The following ARHGAP23 variants were observed in gnomAD, a reference collection of about 807,000 sequenced individuals.
ARHGAP23 encodes the protein Rho GTPase activating protein 23.
ARHGAP23 carries 34 observed loss-of-function variants against 136.3 expected under a neutral mutation model. The ratio of observed to expected loss-of-function variants is 0.25; its 90% CI spans 0.19 to 0.33. ARHGAP23 has a LOEUF of 0.33. Among genes scored for constraint, ARHGAP23 ranks in the 10% least tolerant of loss-of-function variants. The pLI, the probability that ARHGAP23 is intolerant of heterozygous loss-of-function variation, is 1.00. For synonymous variants in ARHGAP23, 832 were observed against 920.5 expected, an observed-to-expected ratio of 0.90 and a Z score of 1.74; for missense variants, 1,808 against 2,139.0, an observed-to-expected ratio of 0.85 and a Z score of 3.05.
intron 7 of ARHGAP23, among the ~76,000 whole-genome samples, chr17:38,468,890 G>A (rs971283821): frequency 6.6e-6 from 1 of 152,156 alleles, no homozygotes; most frequent in Non-Finnish European, 1.5e-5. Context: ...CAGTCTGATG[G>A]GGGAATATTG....
upstream of ARHGAP23, among the ~76,000 whole-genome samples, chr17:38,426,098 T>A (rs1235017522): frequency 6.6e-6 from 1 of 151,972 alleles, no homozygotes; most frequent in Admixed American, 6.6e-5. Flanking sequence ...TCAGTCTGAT[T>A]TCAGATGCCA....
chr17:38,443,015 CT>C (rs1457954785), intron 1 of ARHGAP23, among the ~76,000 whole-genome samples: 9 of 152,200 alleles, frequency 5.9e-5, no homozygotes, highest in African/African-American at 2.2e-4. Flanking sequence ...CTTTTTCAGG[CT>C]GCTATCTCTG....
intron 12 of ARHGAP23, among the ~76,000 whole-genome samples, chr17:38,478,152 G>A (rs1185985196): frequency 2.6e-5 from 4 of 152,198 alleles, no homozygotes; most frequent in Non-Finnish European, 4.4e-5. Context: ...AGGGATGATT[G>A]TGACTGTGTT....
chr17:38,498,554 C>A, intron 22 of ARHGAP23, 44 bp downstream of exon 22: 1 of 1,434,530 alleles, frequency 7.0e-7, no homozygotes, highest in Non-Finnish European at 9.3e-7. Flanking sequence ...AGGTTGGACA[C>A]TGCATTCCTG....
Position 38,510,728 on chromosome 17 carries a change from A to G in ARHGAP23, c.4232A>G (p.Gln1411Arg), listed in dbSNP as rs1184975194. The G allele has an allele frequency of 2.0e-6, 3 of 1,471,926 alleles. No individual in the cohort carries two copies. Among genetic ancestry groups the G allele is most frequent in the East Asian group, 3.0e-5 (1 of 33,608 alleles). The allele number at this position is 1,471,926 out of a possible 1,614,324, so 91.2% of individuals were successfully genotyped here. A position where few individuals can be genotyped will look rare whatever the true frequency, so the allele number is the denominator to read the frequency against. Residue 1411 changes from glutamine (Q) to arginine (R), a missense_variant, in exon 24 of 24, where the codon CAG (glutamine) becomes CGG (arginine). Coordinates refer to ENST00000622683, the MANE Select transcript of ARHGAP23 (RefSeq NM_001199417.2). This position sits in a 1 kb window ranked among gnomAD's most constrained non-coding sequence, Gnocchi z 4.6. Reference protein sequence around the residue: ...SSWRRHTVVVQSPLTDLNFNE... With the variant: ...SSWRRHTVVVRSPLTDLNFNE... Reference sequence around the variant, plus strand: ...TGGCGCCGCCACACCGTGGTGGTGCAGAGCCCGCTGACTGACCTCAACTTC... The same window carrying G: ...TGGCGCCGCCACACCGTGGTGGTGCGGAGCCCGCTGACTGACCTCAACTTC...
chr17:38,444,700 G>C (rs1032701848), intron 1 of ARHGAP23, among the ~76,000 whole-genome samples: 1 of 152,162 alleles, frequency 6.6e-6, no homozygotes, highest in African/African-American at 2.4e-5. Context: ...GTGCAGTGGA[G>C]AAGGGACGGC....
At chr17:38,470,798 A>G (rs1195848101) in intron 10 of ARHGAP23, among the ~76,000 whole-genome samples, 1 of 151,964 alleles carries the variant, frequency 6.6e-6, no homozygotes, top group Non-Finnish European at 1.5e-5. Context: ...CGGCCTCCCA[A>G]AGTGTTGGGA....
chr17:38,509,210 G>A (rs1010332031), intron 23 of ARHGAP23, among the ~76,000 whole-genome samples: 17 of 152,262 alleles, frequency 1.1e-4, no homozygotes, highest in African/African-American at 4.1e-4. Flanking sequence ...AGTGAGGGCT[G>A]GTTCAGGTGA....
At chr17:38,457,081 T>A (rs1413638493) in intron 1 of ARHGAP23, among the ~76,000 whole-genome samples, 4 of 152,214 alleles carry the variant, frequency 2.6e-5, no homozygotes, top group Admixed American at 2.6e-4. Context: ...GGCTAATTTT[T>A]GTATTTTTGG....
At chr17:38,437,622 A>C (rs2038826290) in intron 1 of ARHGAP23, among the ~76,000 whole-genome samples, 1 of 147,600 alleles carries the variant, frequency 6.8e-6, no homozygotes, top group African/African-American at 2.5e-5. Flanking sequence ...ACCCACCCCT[A>C]CCCCCCCCAA....
chr17:38,490,566 C>G lies in ARHGAP23; in HGVS notation c.3150+15C>G. On this transcript the variant is annotated intron_variant, in intron 19 of 23. Coordinates refer to ENST00000622683, the MANE Select transcript of ARHGAP23 (RefSeq NM_001199417.2). ...AGAAAAACAAGGTGGGTAGGAGTCC[C>G]GCATGGAGTCTGGGGGAGGCAAGCA... The G allele has an allele frequency of 6.6e-7, 1 of 1,508,222 alleles. No individual in the cohort carries two copies. The allele number at this position is 1,508,222 out of a possible 1,614,324, so 93.4% of individuals were successfully genotyped here.
At position 38,490,501 on chromosome 17, in the gene ARHGAP23, T is replaced by G; in HGVS notation, c.3100T>G (p.Phe1034Val). Residue 1034 changes from phenylalanine to valine, a missense_variant, in exon 19 of 24, where the codon TTC (phenylalanine) becomes GTC (valine). This residue lies in a region of ARHGAP23 where 105 missense variants were observed against 200.6 expected (regional missense o/e 0.52). Coordinates refer to ENST00000622683, the MANE Select transcript of ARHGAP23 (RefSeq NM_001199417.2). ...LPGHYYETLK[F>V]LVGHLKTIAD... Reference sequence around the variant, plus strand: ...AGGACACTACTATGAAACGCTCAAATTCCTTGTGGGCCATCTCAAGACCAT... The same window carrying G: ...AGGACACTACTATGAAACGCTCAAAGTCCTTGTGGGCCATCTCAAGACCAT... 1 of 1,549,380 alleles carries G rather than the reference T, an allele frequency of 6.5e-7. No homozygotes were observed. Among genetic ancestry groups the G allele is most frequent in the Non-Finnish European group, 8.7e-7 (1 of 1,146,680 alleles).
At chr17:38,450,373 C>T (rs1398494421) in intron 1 of ARHGAP23, 2 of 152,170 alleles carry the variant, frequency 1.3e-5, no homozygotes, top group Non-Finnish European at 2.9e-5. Context: ...GAACTAGTCA[C>T]TTGTTCTCTT....
intron 16 of ARHGAP23, among the ~76,000 whole-genome samples, chr17:38,485,792 C>T (rs1031684679): frequency 6.6e-6 from 1 of 152,212 alleles, no homozygotes; most frequent in Non-Finnish European, 1.5e-5. Flanking sequence ...CACTGTCTCC[C>T]CACAGTGCCT....
chr17:38,463,483 G>A, intron 6 of ARHGAP23, 101 bp downstream of exon 6: 25 of 1,391,150 alleles, frequency 1.8e-5, no homozygotes, highest in Non-Finnish European at 2.3e-5. Context: ...GGCACAGGCC[G>A]ACATTGCCCA....
At chr17:38,448,670 G>A in intron 1 of ARHGAP23, among the ~76,000 whole-genome samples, 1 of 137,112 alleles carries the variant, frequency 7.3e-6, no homozygotes, top group African/African-American at 2.9e-5. Flanking sequence ...TTTTGAGACA[G>A]GGTCTTGGTC....
chr17:38,430,214 A>G (rs951960608), intron 1 of ARHGAP23, among the ~76,000 whole-genome samples: 1 of 152,200 alleles, frequency 6.6e-6, no homozygotes, highest in African/African-American at 2.4e-5. Context: ...CCCATTTCAC[A>G]GAGAGGGTCT....
intron 23 of ARHGAP23, among the ~76,000 whole-genome samples, chr17:38,501,710 A>G (rs897982884): frequency 4.6e-5 from 7 of 152,154 alleles, no homozygotes; most frequent in African/African-American, 1.7e-4. Context: ...AACTCACTTA[A>G]GAAAAAATAG....
At chr17:38,447,132 C>T (rs2144551684) in intron 1 of ARHGAP23, among the ~76,000 whole-genome samples, 1 of 152,276 alleles carries the variant, frequency 6.6e-6, no homozygotes, top group African/African-American at 2.4e-5. Context: ...AATTTCTCCA[C>T]ATCCTCACCA....
Sources: gnomAD v4.1 joint callset for allele counts (sites outside exome capture counted in the v4.1 genomes callset) on GRCh38, gnomAD v4.1.1 for gene constraint, gnomAD v4.1.1 regional missense constraint, Gnocchi (gnomAD v3.1) non-coding constraint, MANE v1.5 for transcripts, NCBI Gene and HGNC (gene_info 2026-07-23, HGNC 2026-07-21) for gene names.